The following ADCK1 variants were observed in gnomAD, a reference collection of about 807,000 sequenced individuals.
ADCK1 encodes aarF domain-containing protein kinase 1.
Under a neutral mutation model 52.3 loss-of-function variants are expected in ADCK1, and 41 were observed. The ratio of observed to expected loss-of-function variants is 0.78; its 90% CI spans 0.61 to 1.02. The LOEUF (loss-of-function observed/expected upper bound fraction) is 1.02. Ranked by LOEUF, ADCK1 falls within the 50% of genes least tolerant of loss-of-function variation. The pLI is 0.00. For synonymous variants in ADCK1, 250 were observed against 274.6 expected, an observed-to-expected ratio of 0.91 and a Z score of 0.89; for missense variants, 658 against 679.5, an observed-to-expected ratio of 0.97 and a Z score of 0.35.
At chr14:77,809,575 C>T (rs950310461) in intron 1 of ADCK1, among the ~76,000 whole-genome samples, 2 of 151,850 alleles carry the variant, frequency 1.3e-5, no homozygotes, top group Admixed American at 1.3e-4. Flanking sequence ...GGTGATCTGC[C>T]TGCTGGCCTC....
At chr14:77,848,291 A>G (rs548043445) in intron 3 of ADCK1, among the ~76,000 whole-genome samples, 4 of 152,292 alleles carry the variant, frequency 2.6e-5, no homozygotes, top group Admixed American at 1.3e-4. Context: ...TTAGAGGGCA[A>G]TGTTTCAAAC....
chr14:77,874,675 G>A (rs761943334), intron 4 of ADCK1, among the ~76,000 whole-genome samples: 1 of 128,826 alleles, frequency 7.8e-6, no homozygotes, highest in Non-Finnish European at 1.8e-5. Context: ...TTCATTGTTT[G>A]ACTTTGCAGG....
chr14:77,890,531 T>G (rs1483924984), intron 5 of ADCK1, among the ~76,000 whole-genome samples: 1 of 152,182 alleles, frequency 6.6e-6, no homozygotes, highest in African/African-American at 2.4e-5. Flanking sequence ...GTTGGGGAAA[T>G]AGACTCTACC....
chr14:77,925,116 G>T (rs1248982296), intron 8 of ADCK1, among the ~76,000 whole-genome samples: 4 of 152,196 alleles, frequency 2.6e-5, no homozygotes, highest in Non-Finnish European at 4.4e-5. Context: ...TGCCAATCTG[G>T]GCCCCAGGGG....
intron 4 of ADCK1, among the ~76,000 whole-genome samples, chr14:77,877,204 G>A (rs1202874658): frequency 6.6e-6 from 1 of 152,204 alleles, no homozygotes; most frequent in Non-Finnish European, 1.5e-5. Context: ...AACAGGGTGA[G>A]ACTCTGTCTC....
rs749868972 is a variant in ADCK1, at chr14:77,859,255, C to A, written c.399C>A (p.Val133=). The A allele has an allele frequency of 1.2e-6, 2 of 1,613,798 alleles. No homozygotes were observed. The highest frequency in any genetic ancestry group is 1.1e-5 in the South Asian group (1 of 90,980). Residue 133 remains valine (V), a synonymous_variant, in exon 4 of 11, where the codon GTC becomes GTA. Transcript: ENST00000238561. Reference sequence around the variant, plus strand: ...GCAGCATGCAAGAGATCCGCCAGGTCATCCGAGAAGATCTGGGCAAGGAGG... The same window carrying A: ...GCAGCATGCAAGAGATCCGCCAGGTAATCCGAGAAGATCTGGGCAAGGAGG... ...PQSSMQEIRQ[V]IREDLGKEIH...
intron 7 of ADCK1, among the ~76,000 whole-genome samples, chr14:77,917,239 G>T (rs2083946126): frequency 6.6e-6 from 1 of 151,928 alleles, no homozygotes; most frequent in Non-Finnish European, 1.5e-5. Flanking sequence ...TTTTCAAAAA[G>T]CTCTAGGTCT....
At chr14:77,927,065 G>A (rs182525755) in intron 9 of ADCK1, among the ~76,000 whole-genome samples, 194 of 152,260 alleles carry the variant, frequency 1.3e-3, no homozygotes, top group Middle Eastern at 3.4e-3. Flanking sequence ...CCAGCGCCTC[G>A]TCTTCCTTAC....
At chr14:77,847,968 T>C (rs866539186) in intron 3 of ADCK1, among the ~76,000 whole-genome samples, 4 of 152,008 alleles carry the variant, frequency 2.6e-5, no homozygotes, top group Middle Eastern at 3.4e-3. Context: ...GGGGCTCAGC[T>C]GGGGACCAGG....
At chr14:77,925,216 G>A (rs558970273) in intron 8 of ADCK1, among the ~76,000 whole-genome samples, 1 of 152,368 alleles carries the variant, frequency 6.6e-6, no homozygotes, top group Non-Finnish European at 1.5e-5. Context: ...CATTAGTTTA[G>A]GGTAGGCTAG....
At position 77,804,214 on chromosome 14, in the gene ADCK1, C is replaced by G. The variant is rs10149548; in HGVS notation, c.-12+4044C>G. 8.3e-3 allele frequency among the ~76,000 whole-genome samples: 1,267 copies of G among 152,166 alleles called. 16 individuals are homozygous for G. The highest frequency in any genetic ancestry group is 0.029 in the African/African-American group (1,204 of 41,504). ...AAGTCAAAAAGGCTAGTAAGCAGAACAGGGCAGGTGATTCATTAACAAAGG... is the reference window on the plus strand; with the variant it reads ...AAGTCAAAAAGGCTAGTAAGCAGAAGAGGGCAGGTGATTCATTAACAAAGG... On this transcript the variant is annotated intron_variant, in intron 1 of 10. Coordinates refer to ENST00000238561, the MANE Select transcript of ADCK1 (RefSeq NM_020421.4).
intron 7 of ADCK1, among the ~76,000 whole-genome samples, chr14:77,918,063 TCTG>T (rs1389467457): frequency 6.6e-6 from 1 of 152,218 alleles, no homozygotes; most frequent in Non-Finnish European, 1.5e-5. Flanking sequence ...GAGTGCTGAA[TCTG>T]TTAGTGTAAA....
intron 3 of ADCK1, among the ~76,000 whole-genome samples, chr14:77,837,086 A>G (rs1489242593): frequency 6.6e-6 from 1 of 151,640 alleles, no homozygotes; most frequent in Non-Finnish European, 1.5e-5. Context: ...CTTGTTTTTA[A>G]TAAGGACAAC....
intron 4 of ADCK1, among the ~76,000 whole-genome samples, chr14:77,870,260 A>G (rs1366829177): frequency 2.0e-5 from 3 of 152,230 alleles, no homozygotes; most frequent in African/African-American, 7.2e-5. Flanking sequence ...AAGAAGCAGA[A>G]CCAGGATTTG....
intron 1 of ADCK1, among the ~76,000 whole-genome samples, chr14:77,813,563 C>A (rs1245544403): frequency 6.6e-6 from 1 of 152,076 alleles, no homozygotes. Context: ...CCCGCCTTGG[C>A]GTCCCAAAGT....
At chr14:77,852,584 C>T (rs552408855) in intron 3 of ADCK1, among the ~76,000 whole-genome samples, 3 of 135,422 alleles carry the variant, frequency 2.2e-5, no homozygotes, top group Non-Finnish European at 3.1e-5. Context: ...TGTTGAGGTC[C>T]TTGAATTTAT....
chr14:77,839,795 C>T (rs55898434), intron 3 of ADCK1, among the ~76,000 whole-genome samples: 20,437 of 151,320 alleles, frequency 0.14, 1,470 homozygotes, highest in Middle Eastern at 0.18. Flanking sequence ...TGGTAGTGCG[C>T]GCCTCCTCAG....
chr14:77,814,695 CAAAAAAAAAAAAA>C (rs995163952), intron 1 of ADCK1, among the ~76,000 whole-genome samples: 2 of 35,922 alleles, frequency 5.6e-5, no homozygotes, highest in African/African-American at 9.7e-5. Flanking sequence ...AAGACACTCT[CAAAAAAAAAAAAA>C]AAAAAAAAAA....
At chr14:77,912,944 C>G (rs920136517) in intron 7 of ADCK1, among the ~76,000 whole-genome samples, 10 of 152,142 alleles carry the variant, frequency 6.6e-5, no homozygotes, top group Non-Finnish European at 1.3e-4. Context: ...TGCTGTATAA[C>G]CTTAGGCAAA....
Sources: allele counts gnomAD v4.1 joint callset (sites outside exome capture counted in the v4.1 genomes callset), GRCh38; gene constraint gnomAD v4.1.1; transcripts MANE v1.5; gene names NCBI Gene and HGNC (gene_info 2026-07-23, HGNC 2026-07-21).